Variants in RGS7 observed in about 807,000 individuals in gnomAD.
RGS7 encodes regulator of G protein signaling 7.
RGS7 carries 27 observed loss-of-function variants against 81.1 expected under a neutral mutation model. The observed-to-expected ratio is 0.33, with a 90% CI of 0.25 to 0.46. The LOEUF (loss-of-function observed/expected upper bound fraction) is 0.46, where lower values mean the gene tolerates loss of function less well. Ranked by LOEUF, RGS7 falls within the 20% of genes least tolerant of loss-of-function variation. The pLI is 1.00. For synonymous variants in RGS7, 208 were observed against 207.7 expected (o/e 1.00, Z -0.01); for missense variants, 396 against 607.4 (o/e 0.65, Z 3.66).
chr1:240,888,346 G>T (rs1044891199), intron 6 of RGS7, among the ~76,000 whole-genome samples: 3 of 152,182 alleles, frequency 2.0e-5, no homozygotes, highest in East Asian at 1.9e-4. Flanking sequence ...ATTGCATGAG[G>T]TGCTGAACTT....
At chr1:241,310,759 TGTG>T (rs2080481932) in intron 2 of RGS7, among the ~76,000 whole-genome samples, 1 of 152,194 alleles carries the variant, frequency 6.6e-6, no homozygotes, top group Non-Finnish European at 1.5e-5. Context: ...TCCTGTTAAA[TGTG>T]TTGTTAACCA....
Position 241,221,039 on chromosome 1 carries a change from A to AAGGAAAAGAAAGAAAG in RGS7, c.79-122278_79-122277insCTTTCTTTCTTTTCCT, listed in dbSNP as rs1553289605. 1.6e-3 allele frequency among the ~76,000 whole-genome samples: 146 copies of AAGGAAAAGAAAGAAAG among 92,782 alleles called. 4 individuals carry two copies. The East Asian group carries it at 0.016, about 10-fold the overall frequency. The allele number at this position is 92,782 out of a possible 152,430, so 60.9% of individuals were successfully genotyped here. A position where few individuals can be genotyped will look rare whatever the true frequency, so the allele number is the denominator to read the frequency against. Reference sequence around the variant, plus strand: ...GAAGGAAGGAAGGAAGGAAGGAAGGAAAAGAAAGAAAGAAAGAAAGAGAGA... The same window carrying AAGGAAAAGAAAGAAAG: ...GAAGGAAGGAAGGAAGGAAGGAAGGAAGGAAAAGAAAGAAAGAAAGAAAGAAAGAAAGAAAGAGAGA... On this transcript the variant is annotated intron_variant, in intron 2 of 18. Coordinates refer to ENST00000440928, the MANE Select transcript of RGS7 (RefSeq NM_001364886.1).
At chr1:240,908,802 T>C (rs1037502605) in intron 6 of RGS7, among the ~76,000 whole-genome samples, 5 of 152,222 alleles carry the variant, frequency 3.3e-5, no homozygotes, top group African/African-American at 4.8e-5. Context: ...TAGGAAAGTT[T>C]GTTAATGTGA....
chr1:241,326,125 G>A (rs2081477180), intron 2 of RGS7, among the ~76,000 whole-genome samples: 1 of 152,106 alleles, frequency 6.6e-6, no homozygotes, highest in African/African-American at 2.4e-5. Context: ...CCCCGCCTAG[G>A]ATGTGTACTC....
intron 6 of RGS7, among the ~76,000 whole-genome samples, chr1:240,911,085 G>T (rs905657514): frequency 1.3e-5 from 2 of 152,080 alleles, no homozygotes; most frequent in Admixed American, 6.6e-5. Flanking sequence ...TGTGCCAGAC[G>T]CATTTATTGT....
chr1:240,987,970 G>A (rs75134679), intron 3 of RGS7, among the ~76,000 whole-genome samples: 6,880 of 152,166 alleles, frequency 0.045, 219 homozygotes, highest in South Asian at 0.1. Context: ...CATCTATTGC[G>A]TTTCTGTAGA....
At chr1:240,990,867 C>T (rs984222973) in intron 3 of RGS7, among the ~76,000 whole-genome samples, 1 of 152,194 alleles carries the variant, frequency 6.6e-6, no homozygotes, top group African/African-American at 2.4e-5. Flanking sequence ...TGTTGTTCAG[C>T]AGTCATTTAA....
At chr1:240,791,797 T>A (rs1031835218) in intron 18 of RGS7, among the ~76,000 whole-genome samples, 4 of 152,222 alleles carry the variant, frequency 2.6e-5, no homozygotes, top group African/African-American at 9.6e-5. Flanking sequence ...AAACTTTACA[T>A]CAACAACTTC....
At chr1:240,983,024 AT>A in intron 4 of RGS7, 54 bp downstream of exon 4, 1 of 1,023,340 alleles carries the variant, frequency 9.8e-7, no homozygotes, top group Non-Finnish European at 1.5e-6. Context: ...GATGAAACAT[AT>A]TTCTTAAAAC....
intron 2 of RGS7, among the ~76,000 whole-genome samples, chr1:241,148,402 TTC>T (rs1271038016): frequency 1.3e-5 from 2 of 152,232 alleles, no homozygotes; most frequent in African/African-American, 4.8e-5. Context: ...AATGAATTGG[TTC>T]TGCTGAAAAC....
chr1:241,037,863 A>G (rs2060414314), intron 3 of RGS7, among the ~76,000 whole-genome samples: 1 of 152,244 alleles, frequency 6.6e-6, no homozygotes, highest in East Asian at 1.9e-4. Flanking sequence ...AAGTAACTCA[A>G]GAATGGAAAA....
intron 18 of RGS7, among the ~76,000 whole-genome samples, chr1:240,777,722 C>T (rs867101128): frequency 1.3e-5 from 2 of 152,182 alleles, no homozygotes; most frequent in African/African-American, 2.4e-5. Flanking sequence ...GGTGCATTCT[C>T]GTTGTGTCCT....
intron 2 of RGS7, among the ~76,000 whole-genome samples, chr1:241,137,434 T>G (rs2067601061): frequency 6.6e-6 from 1 of 152,234 alleles, no homozygotes; most frequent in Non-Finnish European, 1.5e-5. Context: ...ATTGTGTTCC[T>G]TTTATTGTTG....
At chr1:240,843,236 T>C (rs954814427) in intron 9 of RGS7, among the ~76,000 whole-genome samples, 3 of 151,972 alleles carry the variant, frequency 2.0e-5, no homozygotes, top group African/African-American at 7.2e-5. Flanking sequence ...AAAGAAAGAA[T>C]GAACATATGT....
intron 2 of RGS7, among the ~76,000 whole-genome samples, chr1:241,290,002 G>C (rs1038965219): frequency 6.6e-6 from 1 of 152,216 alleles, no homozygotes; most frequent in Non-Finnish European, 1.5e-5. Flanking sequence ...CTCTAAGACA[G>C]AGATCATCAG....
intron 3 of RGS7, among the ~76,000 whole-genome samples, chr1:241,048,889 T>C (rs1307019252): frequency 1.3e-5 from 2 of 152,224 alleles, no homozygotes; most frequent in East Asian, 3.9e-4. Flanking sequence ...CTCTGAAATC[T>C]GCAAGGGCGA....
chr1:240,936,209 A>T (rs1354821271), intron 5 of RGS7, among the ~76,000 whole-genome samples: 2 of 152,192 alleles, frequency 1.3e-5, no homozygotes. Flanking sequence ...AATTAGCTGA[A>T]TCCTATCTGG....
At chr1:240,915,396 C>T (rs1164636467) in intron 6 of RGS7, among the ~76,000 whole-genome samples, 1 of 152,158 alleles carries the variant, frequency 6.6e-6, no homozygotes, top group Admixed American at 6.5e-5. Flanking sequence ...TACAAAGCAT[C>T]CCCCTTCCCC....
At chr1:241,207,221 C>G (rs1206698867) in intron 2 of RGS7, among the ~76,000 whole-genome samples, 5 of 150,236 alleles carry the variant, frequency 3.3e-5, no homozygotes, top group Non-Finnish European at 7.4e-5. Flanking sequence ...CCCGCCTCGG[C>G]CTCCCAAAGT....
Sources: gnomAD v4.1 joint callset for allele counts (sites outside exome capture counted in the v4.1 genomes callset) on GRCh38, gnomAD v4.1.1 for gene constraint, MANE v1.5 for transcripts, NCBI Gene and HGNC (gene_info 2026-07-23, HGNC 2026-07-21) for gene names.